The following USP34 variants were observed in gnomAD, a reference collection of about 807,000 sequenced individuals.
USP34 encodes the protein ubiquitin carboxyl-terminal hydrolase 34.
A neutral mutation model predicts 460.3 loss-of-function variants in USP34; 70 were observed. The ratio of observed to expected loss-of-function variants is 0.15; its 90% CI spans 0.13 to 0.19. The LOEUF (loss-of-function observed/expected upper bound fraction) is 0.19, where lower values mean the gene tolerates loss of function less well. Among genes scored for constraint, USP34 ranks in the 10% least tolerant of loss-of-function variants. The pLI is 1.00. For synonymous variants in USP34, 1,647 were observed against 1,405.3 expected (o/e 1.17, Z -3.85); for missense variants, 3,985 against 4,236.2 (o/e 0.94, Z 1.65).
intron 10 of USP34, among the ~76,000 whole-genome samples, chr2:61,369,311 T>C (rs539225893): frequency 1.6e-4 from 25 of 152,254 alleles, no homozygotes; most frequent in African/African-American, 6.0e-4. Context: ...ATGAAATGAA[T>C]GTGTTAGAAG....
chr2:61,365,594 T>C (rs1692412723), intron 10 of USP34, among the ~76,000 whole-genome samples: 1 of 151,982 alleles, frequency 6.6e-6, no homozygotes. Flanking sequence ...TCCATAAGAA[T>C]AAATACAATT....
chr2:61,192,873 C>T (rs777633966), intron 76 of USP34, 28 bp downstream of exon 76: 3 of 1,589,324 alleles, frequency 1.9e-6, no homozygotes, highest in Non-Finnish European at 1.7e-6. Context: ...AGATTAAAGA[C>T]CAATCATCTA....
At position 61,348,838 on chromosome 2, in the gene USP34, T is replaced by C. The variant is rs372605480; in HGVS notation, c.1592A>G (p.Gln531Arg). 1.9e-5 allele frequency: 31 copies of C among 1,613,786 alleles called. 1 individual carries two copies. The highest frequency in any genetic ancestry group is 2.5e-5 in the Non-Finnish European group (29 of 1,179,894). The change falls in exon 14 of 80, where the codon CAA (glutamine) becomes CGA (arginine). Residue 531 changes from glutamine (Q) to arginine (R), a missense_variant. Gln to Arg is a conservative substitution (Grantham distance 43). This residue lies in a region of USP34 where 716 missense variants were observed against 626.2 expected (regional missense o/e 1.14). Coordinates refer to ENST00000398571, the MANE Select transcript of USP34 (RefSeq NM_014709.4). ...PQSSDNSDTH[Q>R]SGGSDIEMDE... ...CATTTCAATGTCACTACCTCCACTT[T>C]GATGTGTATCGCTATTATCACTGCT...
intron 5 of USP34, among the ~76,000 whole-genome samples, chr2:61,385,863 A>G (rs976750519): frequency 5.5e-5 from 8 of 146,134 alleles, no homozygotes; most frequent in Non-Finnish European, 4.5e-5. Context: ...AGGTGTGGTG[A>G]CGCGCACCTG....
At chr2:61,310,252 G>GT (rs1690545320) in intron 27 of USP34, among the ~76,000 whole-genome samples, 1 of 152,040 alleles carries the variant, frequency 6.6e-6, no homozygotes, top group Non-Finnish European at 1.5e-5. Context: ...CCATAATGAG[G>GT]TATTTATCCA....
intron 2 of USP34, 141 bp from the exon 3 acceptor site, chr2:61,406,269 T>C (rs991671906): frequency 8.3e-6 from 6 of 718,634 alleles, no homozygotes; most frequent in African/African-American, 5.4e-5. Context: ...TACACCTTAA[T>C]AACATAAAGA....
rs771518138 is a variant in USP34, at chr2:61,228,714, T to C, written c.7374A>G (p.Gln2458=). The C allele has an allele frequency of 6.8e-6, 11 of 1,609,880 alleles. No homozygotes were observed. The highest frequency in any genetic ancestry group is 1.3e-5 in the African/African-American group (1 of 74,812). The change falls in exon 61 of 80, where the codon CAA becomes CAG. Residue 2458 remains glutamine (Q), a synonymous_variant. Transcript: ENST00000398571. ...EFAKMGEEES[Q]FLLSLQAIST... ...ATATAGCTTGCAATGAAAGCAAAAA[T>C]TGGCTCTAAACAAACAAACAAACAA...
Position 61,348,274 on chromosome 2 carries a change from A to G in USP34, c.1881T>C (p.Asp627=). ...IEALKEEDED[D]DHGHNPPKSS... ...TTTTGGGAGGATTATGACCATGATC[A>G]TCGTCTTCATCTTCCTCTTTGAGGG... Residue 627 remains aspartate (D), a synonymous_variant, in exon 15 of 80, where the codon GAT becomes GAC. Transcript: ENST00000398571. 2 of 1,614,216 alleles carry G rather than the reference A, an allele frequency of 1.2e-6. No homozygotes were observed. Among genetic ancestry groups the G allele is most frequent in the Non-Finnish European group, 8.5e-7 (1 of 1,180,032 alleles).
At chr2:61,325,503 A>C in intron 20 of USP34, 46 bp from the exon 21 acceptor site, 1 of 1,298,626 alleles carries the variant, frequency 7.7e-7, no homozygotes, top group Non-Finnish European at 1.0e-6. Flanking sequence ...CTATTTCTTA[A>C]TTACTTTTAA....
intron 1 of USP34, among the ~76,000 whole-genome samples, chr2:61,453,245 T>G (rs559162759): frequency 2.6e-5 from 4 of 151,904 alleles, no homozygotes; most frequent in African/African-American, 9.7e-5. Flanking sequence ...ACCCCATCTG[T>G]ACTAAAAATA....
At chr2:61,285,502 A>T (rs1689661564) in intron 34 of USP34, among the ~76,000 whole-genome samples, 1 of 151,168 alleles carries the variant, frequency 6.6e-6, no homozygotes, top group African/African-American at 2.4e-5. Flanking sequence ...AAAAAAAAAA[A>T]AAGTAAGAAA....
At chr2:61,251,161 G>A (rs117847506) in intron 48 of USP34, among the ~76,000 whole-genome samples, 1,690 of 151,900 alleles carry the variant, frequency 0.011, 65 homozygotes, top group East Asian at 0.11. Context: ...AAATAAATAA[G>A]TAAATAAATA....
At chr2:61,307,789 T>C (rs2103661462) in intron 27 of USP34, among the ~76,000 whole-genome samples, 1 of 152,150 alleles carries the variant, frequency 6.6e-6, no homozygotes, top group East Asian at 1.9e-4. Flanking sequence ...GGGTCACCCC[T>C]GTAATCCAAG....
At chr2:61,215,717 A>G (rs1180496042) in intron 67 of USP34, among the ~76,000 whole-genome samples, 1 of 152,214 alleles carries the variant, frequency 6.6e-6, no homozygotes, top group African/African-American at 2.4e-5. Flanking sequence ...TGATGATGAT[A>G]ATGATAATGG....
chr2:61,323,277 CGAGG>C (rs1558529584), intron 21 of USP34, among the ~76,000 whole-genome samples: 2 of 152,000 alleles, frequency 1.3e-5, no homozygotes, highest in Non-Finnish European at 2.9e-5. Flanking sequence ...TTTGGGAGGC[CGAGG>C]CGGGCGGATC....
chr2:61,221,391 T>TA, intron 66 of USP34, 111 bp downstream of exon 66: 1 of 982,760 alleles, frequency 1.0e-6, no homozygotes, highest in Admixed American at 2.9e-5. Flanking sequence ...TGTGACTTAC[T>TA]AAAACCATCT....
At chr2:61,433,248 A>T (rs1449940848) in intron 1 of USP34, among the ~76,000 whole-genome samples, 1 of 152,200 alleles carries the variant, frequency 6.6e-6, no homozygotes, top group East Asian at 1.9e-4. Context: ...ATTTGCCTGC[A>T]GTCAGCAGGG....
intron 61 of USP34, 76 bp from the exon 62 acceptor site, chr2:61,227,294 G>T (rs937762115): frequency 6.7e-6 from 10 of 1,499,726 alleles, no homozygotes; most frequent in South Asian, 1.2e-5. Context: ...CTTGTTTTAT[G>T]TAACAGTGTA....
At chr2:61,208,374 T>A (rs1429950035) in intron 70 of USP34, 1 of 152,226 alleles carries the variant, frequency 6.6e-6, no homozygotes, top group Non-Finnish European at 1.5e-5. Flanking sequence ...CAGATTGATG[T>A]CTCATGTCTC....
Sources: allele counts gnomAD v4.1 joint callset (sites outside exome capture counted in the v4.1 genomes callset), GRCh38; gene constraint gnomAD v4.1.1; regional missense constraint gnomAD v4.1.1; transcripts MANE v1.5; gene names NCBI Gene and HGNC (gene_info 2026-07-23, HGNC 2026-07-21).